APP: variants seen among roughly 807,000 people sequenced by gnomAD.
The protein encoded by APP is amyloid-beta precursor protein.
APP carries 31 observed loss-of-function variants against 101.4 expected under a neutral mutation model. The ratio of observed to expected loss-of-function variants is 0.31; its 90% CI spans 0.23 to 0.41. APP has a LOEUF of 0.41. APP is among the 10% of genes least tolerant of loss of function. The pLI, the probability that APP is intolerant of heterozygous loss-of-function variation, is 1.00. For missense variants in APP, 839 were observed against 1,003.7 expected (o/e 0.84, Z 2.22); for synonymous variants, 366 against 364.4 (o/e 1.00, Z -0.05).
chr21:26,025,956 T>A (rs190957588), intron 5 of APP, among the ~76,000 whole-genome samples: 1 of 152,196 alleles, frequency 6.6e-6, no homozygotes, highest in South Asian at 2.1e-4. Context: ...ACAACAACAT[T>A]ACAACTTTTA....
chr21:26,133,650 T>C (rs2062839207), intron 1 of APP, among the ~76,000 whole-genome samples: 1 of 152,038 alleles, frequency 6.6e-6, no homozygotes, highest in Admixed American at 6.5e-5. Context: ...AGCACGCTTG[T>C]AATCCCAGCT....
At position 26,069,801 on chromosome 21, in the gene APP, C is replaced by T. The variant is rs986151107; in HGVS notation, c.356-16453G>A. 2.0e-5 allele frequency among the ~76,000 whole-genome samples: 3 copies of T among 152,066 alleles called. No homozygotes were observed. In the East Asian group the frequency reaches 5.8e-4, roughly 29 times the overall value. On this transcript the variant is annotated intron_variant, in intron 3 of 17. Coordinates refer to ENST00000346798, the MANE Select transcript of APP (RefSeq NM_000484.4). ...CCAAATAAAAACCTCCAAGAAAAAGCAAACTTGTATCTTAAAAGATGCAGA... is the reference window on the plus strand; with the variant it reads ...CCAAATAAAAACCTCCAAGAAAAAGTAAACTTGTATCTTAAAAGATGCAGA...
In APP at chr21:26,016,944, CGGGGGGCGGGG is replaced by C. The variant is rs2044104354; in HGVS notation, c.865+4885_865+4895del. Among the ~76,000 whole-genome samples the C allele has an allele frequency of 3.8e-5, 2 of 52,002 alleles. 1 individual carries two copies. The highest frequency in any genetic ancestry group is 1.9e-4 in the African/African-American group (2 of 10,352). The allele number at this position is 52,002 out of a possible 152,430, so 34.1% of individuals were successfully genotyped here. ...CCAGCACTTTGTGGGGGGCGGGGGG[CGGGGGGCGGGG>C]GGTGCCGCCAAGGTGGGCAGATCAT... On this transcript the variant is annotated intron_variant, in intron 6 of 17. Coordinates refer to ENST00000346798, the MANE Select transcript of APP (RefSeq NM_000484.4).
At chr21:26,037,474 T>A (rs1031792057) in intron 5 of APP, among the ~76,000 whole-genome samples, 4 of 152,200 alleles carry the variant, frequency 2.6e-5, no homozygotes, top group African/African-American at 9.7e-5. Context: ...TTATTACATG[T>A]CAATTTTTAA....
intron 3 of APP, among the ~76,000 whole-genome samples, chr21:26,067,263 T>C (rs7280046): frequency 0.74 from 112,443 of 152,110 alleles, 41,689 homozygotes; most frequent in East Asian, 0.88. Flanking sequence ...ATTCTACATT[T>C]GTTTTTTTCT....
intron 13 of APP, among the ~76,000 whole-genome samples, chr21:25,913,833 G>C (rs2039205582): frequency 6.6e-6 from 1 of 151,414 alleles, no homozygotes. Context: ...TTTTCTTCTT[G>C]TATCTCTTTC....
At chr21:26,022,938 C>T (rs1235723784) in intron 5 of APP, among the ~76,000 whole-genome samples, 18 of 128,080 alleles carry the variant, frequency 1.4e-4, no homozygotes, top group African/African-American at 1.2e-4. Context: ...CTTAAGTAAA[C>T]CTGCAATGCC....
intron 1 of APP, among the ~76,000 whole-genome samples, chr21:26,127,823 G>A (rs771666924): frequency 1.2e-4 from 18 of 152,190 alleles, no homozygotes; most frequent in Admixed American, 4.6e-4. Flanking sequence ...TGGAGAGTAA[G>A]CACTTTAAGA....
At chr21:26,019,769 C>A (rs1352224232) in intron 6 of APP, among the ~76,000 whole-genome samples, 1 of 152,242 alleles carries the variant, frequency 6.6e-6, no homozygotes, top group Admixed American at 6.5e-5. Flanking sequence ...TGTATTCACA[C>A]TTCATTTAGG....
intron 5 of APP, among the ~76,000 whole-genome samples, chr21:26,030,610 C>G (rs2044775870): frequency 6.6e-6 from 1 of 152,108 alleles, no homozygotes; most frequent in African/African-American, 2.4e-5. Flanking sequence ...ATCTTGGAGG[C>G]AAGAAAAGTC....
chr21:25,907,145 C>T (rs949250760), intron 14 of APP, among the ~76,000 whole-genome samples: 1 of 152,148 alleles, frequency 6.6e-6, no homozygotes, highest in South Asian at 2.1e-4. Context: ...CGCTCTTCTT[C>T]TTCTTCTTCT....
At chr21:25,976,656 C>T (rs545544758) in intron 9 of APP, among the ~76,000 whole-genome samples, 2 of 152,316 alleles carry the variant, frequency 1.3e-5, no homozygotes, top group Admixed American at 6.5e-5. Flanking sequence ...TCCAAAAACT[C>T]CAAGAAAACA....
At chr21:26,038,489 C>T (rs1009940937) in intron 5 of APP, among the ~76,000 whole-genome samples, 19 of 152,110 alleles carry the variant, frequency 1.2e-4, no homozygotes, top group Non-Finnish European at 2.1e-4. Flanking sequence ...CCCCAGCTGG[C>T]GCGGTGTCTC....
At chr21:26,068,526 A>C (rs1235380919) in intron 3 of APP, among the ~76,000 whole-genome samples, 1 of 150,340 alleles carries the variant, frequency 6.7e-6, no homozygotes, top group Non-Finnish European at 1.5e-5. Flanking sequence ...TGCCTGGCTA[A>C]TTTTTTTTTT....
Position 25,891,838 on chromosome 21 carries a change from T to C in APP, c.2095A>G (p.Lys699Glu). 6.2e-7 allele frequency: 1 copy of C among 1,614,122 alleles called. No individual in the cohort carries two copies. Among genetic ancestry groups the C allele is most frequent in the Non-Finnish European group, 8.5e-7 (1 of 1,180,000 alleles). ...ACCATGAGTCCAATGATTGCACCTT[T>C]GTTTGAACCCACATCTTCTGCAAAG... ...VFFAEDVGSN[K>E]GAIIGLMVGG... The change falls in exon 17 of 18, where the codon AAA becomes GAA. Residue 699 changes from lysine to glutamate, a missense_variant. Coordinates refer to ENST00000346798, the MANE Select transcript of APP (RefSeq NM_000484.4).
chr21:25,905,703 C>T (rs1186195408), intron 14 of APP, among the ~76,000 whole-genome samples: 3 of 152,154 alleles, frequency 2.0e-5, no homozygotes, highest in African/African-American at 4.8e-5. Flanking sequence ...ACAGCTGAAA[C>T]GTGTGAAATG....
chr21:26,010,772 G>C (rs1295612012), intron 6 of APP, among the ~76,000 whole-genome samples: 1 of 124,064 alleles, frequency 8.1e-6, no homozygotes, highest in Admixed American at 1.1e-4. Context: ...AGTGAGCCAA[G>C]ACTGTGCCAC....
chr21:26,014,450 C>T (rs758955868), intron 6 of APP, among the ~76,000 whole-genome samples: 5 of 152,194 alleles, frequency 3.3e-5, no homozygotes, highest in Non-Finnish European at 5.9e-5. Context: ...TGCTCTATCA[C>T]CCAGTAAATC....
At chr21:26,159,267 G>C (rs1462121104) in intron 1 of APP, among the ~76,000 whole-genome samples, 1 of 152,100 alleles carries the variant, frequency 6.6e-6, no homozygotes, top group Admixed American at 6.5e-5. Context: ...TTTTAGTGGA[G>C]ACAGGGTTTC....
Sources: allele counts gnomAD v4.1 joint callset (sites outside exome capture counted in the v4.1 genomes callset), GRCh38; gene constraint gnomAD v4.1.1; transcripts MANE v1.5; gene names NCBI Gene and HGNC (gene_info 2026-07-23, HGNC 2026-07-21).